Variants in DENND1B observed in about 807,000 individuals in gnomAD.
The protein encoded by DENND1B is DENN domain containing 1B, also known as DENN domain-containing protein 1B.
A neutral mutation model predicts 90.1 loss-of-function variants in DENND1B; 59 were observed. The ratio of observed to expected loss-of-function variants is 0.65; its 90% confidence interval spans 0.53 to 0.81. The LOEUF (loss-of-function observed/expected upper bound fraction) is 0.81. Among genes scored for constraint, DENND1B ranks in the 40% least tolerant of loss-of-function variants. The pLI, the probability that DENND1B is intolerant of heterozygous loss-of-function variation, is 0.00. For missense variants in DENND1B, 862 were observed against 912.6 expected, an observed-to-expected ratio of 0.94 and a Z score of 0.71; for synonymous variants, 337 against 324.6, an observed-to-expected ratio of 1.04 and a Z score of -0.41.
At chr1:197,566,062 C>T (rs1027027736) in intron 15 of DENND1B, among the ~76,000 whole-genome samples, 1 of 152,026 alleles carries the variant, frequency 6.6e-6, no homozygotes, top group Non-Finnish European at 1.5e-5. Flanking sequence ...GAGGAATCGC[C>T]ACACTGACTT....
At chr1:197,645,779 A>C (rs748757270) in intron 8 of DENND1B, 36 bp from the exon 9 acceptor site, 6 of 1,358,446 alleles carry the variant, frequency 4.4e-6, no homozygotes. Context: ...TGAAAAAGAT[A>C]ATTAAAACTG....
chr1:197,536,842 C>A (rs922834307), intron 20 of DENND1B, among the ~76,000 whole-genome samples: 16 of 151,946 alleles, frequency 1.1e-4, no homozygotes, highest in Non-Finnish European at 1.8e-4. Flanking sequence ...CAGATCGAGA[C>A]CATCCTGGCT....
intron 10 of DENND1B, among the ~76,000 whole-genome samples, chr1:197,636,956 T>C (rs917138054): frequency 4.0e-5 from 6 of 151,836 alleles, no homozygotes; most frequent in African/African-American, 7.3e-5. Context: ...GAATGGGATG[T>C]CAACAATGAG....
intron 2 of DENND1B, among the ~76,000 whole-genome samples, chr1:197,760,743 A>G (rs1006211936): frequency 2.0e-4 from 31 of 152,184 alleles, no homozygotes; most frequent in African/African-American, 7.5e-4. Flanking sequence ...TGAATTTTAA[A>G]CAGCTATATC....
At chr1:197,743,802 G>C (rs1663441420) in intron 2 of DENND1B, among the ~76,000 whole-genome samples, 1 of 152,052 alleles carries the variant, frequency 6.6e-6, no homozygotes, top group Non-Finnish European at 1.5e-5. Flanking sequence ...GGGCAACATA[G>C]CAAGACCCCA....
chr1:197,583,565 A>G, intron 14 of DENND1B, among the ~76,000 whole-genome samples: 1 of 152,206 alleles, frequency 6.6e-6, no homozygotes, highest in East Asian at 1.9e-4. Flanking sequence ...TAGCACACAT[A>G]CCTGAAAATA....
At position 197,527,312 on chromosome 1, in the gene DENND1B, G is replaced by GTTT. The variant is rs148417732; in HGVS notation, c.1515+12649_1515+12651dup. On this transcript the variant is annotated intron_variant, in intron 20 of 22. Transcript: ENST00000620048. ...GTTGATCACTTGAAGGTTTTTTTTTGTTTTTGTTTTTTTTCTGAGGCAGAG... is the reference window on the plus strand; with the variant it reads ...GTTGATCACTTGAAGGTTTTTTTTTGTTTTTTTTGTTTTTTTTCTGAGGCAGAG... Among the ~76,000 whole-genome samples the GTTT allele has an allele frequency of 1.6e-4, 23 of 140,930 alleles. 1 individual carries two copies. The highest frequency in any genetic ancestry group is 2.9e-4 in the Admixed American group (4 of 14,030). 92.5% of individuals were successfully genotyped at this position (140,930 alleles called of 152,430 possible). A position where few individuals can be genotyped will look rare whatever the true frequency, so the allele number is the denominator to read the frequency against.
At chr1:197,627,066 C>A (rs143337104) in intron 10 of DENND1B, among the ~76,000 whole-genome samples, 2 of 151,906 alleles carry the variant, frequency 1.3e-5, no homozygotes, top group Non-Finnish European at 2.9e-5. Flanking sequence ...AGTCCAGGAC[C>A]AGATGGATTC....
chr1:197,606,929 T>C (rs183804458), intron 13 of DENND1B, 144 bp downstream of exon 13: 4 of 623,410 alleles, frequency 6.4e-6, no homozygotes, highest in African/African-American at 3.8e-5. Context: ...ATATTAAATA[T>C]AGAATCAACA....
chr1:197,661,474 C>G (rs1019419714), intron 5 of DENND1B, among the ~76,000 whole-genome samples: 1 of 151,916 alleles, frequency 6.6e-6, no homozygotes, highest in African/African-American at 2.4e-5. Flanking sequence ...TAGTTCAGAC[C>G]TAAAAATTCA....
intron 9 of DENND1B, among the ~76,000 whole-genome samples, chr1:197,644,208 A>T (rs1250439534): frequency 6.6e-6 from 1 of 152,208 alleles, no homozygotes; most frequent in Non-Finnish European, 1.5e-5. Context: ...AAAGAAAGGT[A>T]ATTTTTAGAT....
chr1:197,781,527 G>A, the DENND1B span, among the ~76,000 whole-genome samples: 4 of 152,220 alleles, frequency 2.6e-5, no homozygotes, highest in Admixed American at 6.5e-5. Flanking sequence ...CATCCTCCTG[G>A]CATGTTGTCC....
chr1:197,700,457 T>C (rs1257073411), intron 3 of DENND1B, among the ~76,000 whole-genome samples: 1 of 151,938 alleles, frequency 6.6e-6, no homozygotes, highest in African/African-American at 2.4e-5. Flanking sequence ...TATACAAAAA[T>C]TAACTCAAGA....
intron 1 of DENND1B, among the ~76,000 whole-genome samples, chr1:197,773,233 A>G (rs1656846352): frequency 6.6e-6 from 1 of 152,230 alleles, no homozygotes; most frequent in Non-Finnish European, 1.5e-5. Flanking sequence ...ATCAAATAAC[A>G]TATGTGCAAG....
At chr1:197,554,390 C>T (rs947802713) in intron 15 of DENND1B, among the ~76,000 whole-genome samples, 5 of 151,580 alleles carry the variant, frequency 3.3e-5, no homozygotes, top group Non-Finnish European at 5.9e-5. Flanking sequence ...ATTTTTTACC[C>T]TAGAAATTTA....
intron 22 of DENND1B, 96 bp from the exon 23 acceptor site, chr1:197,511,068 T>A: frequency 8.2e-7 from 1 of 1,223,844 alleles, no homozygotes; most frequent in Non-Finnish European, 1.1e-6. Context: ...TAGCGTTAAG[T>A]TCCTCCCAGA....
intron 3 of DENND1B, among the ~76,000 whole-genome samples, chr1:197,697,838 G>T (rs1174911298): frequency 6.6e-6 from 1 of 152,034 alleles, no homozygotes; most frequent in African/African-American, 2.4e-5. Flanking sequence ...TTACATAATG[G>T]TAAAGGGAAC....
intron 13 of DENND1B, among the ~76,000 whole-genome samples, chr1:197,604,000 C>CA (rs1553302172): frequency 6.6e-6 from 1 of 150,926 alleles, no homozygotes; most frequent in Non-Finnish European, 1.5e-5. Flanking sequence ...CTAACATTTA[C>CA]TTTTTTTTAT....
In DENND1B at chr1:197,642,806, A is replaced by G; in HGVS notation, c.577T>C (p.Tyr193His). 6.2e-7 allele frequency: 1 copy of G among 1,612,446 alleles called. No individual in the cohort carries two copies. Among genetic ancestry groups the G allele is most frequent in the Non-Finnish European group, 8.5e-7 (1 of 1,179,074 alleles). Residue 193 changes from tyrosine (Y) to histidine (H), a missense_variant, in exon 10 of 23, where the codon TAT becomes CAT. Coordinates refer to ENST00000620048, the MANE Select transcript of DENND1B (RefSeq NM_001195215.2). ...TIPESRNLTE[Y>H]FVAVDVNNML... ...TTGTTCACATCCACGGCAACAAAAT[A>G]TTCTGTAAGATTTCTCTGTACAAGT...
Sources: allele counts gnomAD v4.1 joint callset (sites outside exome capture counted in the v4.1 genomes callset), GRCh38; gene constraint gnomAD v4.1.1; transcripts MANE v1.5; gene names NCBI Gene and HGNC (gene_info 2026-07-23, HGNC 2026-07-21).